The following NRCAM variants were observed in gnomAD, a reference collection of about 807,000 sequenced individuals.
NRCAM encodes neuronal cell adhesion molecule.
NRCAM carries 83 observed loss-of-function variants against 156.5 expected under a neutral mutation model. That is an observed-to-expected ratio of 0.53 (90% CI 0.44 to 0.64). The LOEUF is 0.64. NRCAM is among the 30% of genes least tolerant of loss of function. The probability of loss-of-function intolerance (pLI) is 0.00; values close to 1 mark genes in which losing one functional copy is unlikely to be tolerated. For synonymous variants in NRCAM, 538 were observed against 563.9 expected, an observed-to-expected ratio of 0.95 and a Z score of 0.65; for missense variants, 1,417 against 1,597.3, an observed-to-expected ratio of 0.89 and a Z score of 1.92.
chr7:108,201,692 C>A (rs969580855), intron 13 of NRCAM, among the ~76,000 whole-genome samples: 2 of 152,184 alleles, frequency 1.3e-5, no homozygotes, highest in African/African-American at 2.4e-5. Context: ...CAAACCATGT[C>A]AGAAAGCTTT....
At chr7:108,180,689 G>A (rs1316983994) in intron 24 of NRCAM, among the ~76,000 whole-genome samples, 1 of 152,180 alleles carries the variant, frequency 6.6e-6, no homozygotes, top group Non-Finnish European at 1.5e-5. Flanking sequence ...AAAACAGCAC[G>A]AGACCCATGT....
intron 1 of NRCAM, among the ~76,000 whole-genome samples, chr7:108,443,389 T>C (rs530290880): frequency 6.6e-6 from 1 of 152,300 alleles, no homozygotes; most frequent in Non-Finnish European, 1.5e-5. Context: ...ATATTCAAGT[T>C]GAATCAAAGC....
intron 3 of NRCAM, among the ~76,000 whole-genome samples, chr7:108,275,646 G>T (rs1409897945): frequency 6.6e-6 from 1 of 151,986 alleles, no homozygotes; most frequent in Non-Finnish European, 1.5e-5. Context: ...TAGTCTTGCA[G>T]GCGGTCTCTC....
intron 1 of NRCAM, among the ~76,000 whole-genome samples, chr7:108,438,142 A>G (rs1241159497): frequency 6.6e-6 from 1 of 152,092 alleles, no homozygotes; most frequent in Non-Finnish European, 1.5e-5. Context: ...AACTTTTTCA[A>G]AAAACAGAAG....
rs975053197 is a variant in NRCAM at position 108,197,940 on chromosome 7, T to TA, written c.1351+15dup. On this transcript the variant is annotated intron_variant, in intron 14 of 32. Coordinates refer to ENST00000379028, the MANE Select transcript of NRCAM (RefSeq NM_001037132.4). ...TTAATTTAATTTGCCATGTCTTTAATAAAATGAGAGCTTACCCAGCACATT... is the reference window on the plus strand; with the variant it reads ...TTAATTTAATTTGCCATGTCTTTAATAAAAATGAGAGCTTACCCAGCACATT... 17 of 1,539,726 alleles carry TA rather than the reference T, an allele frequency of 1.1e-5. No individual in the cohort carries two copies. The highest frequency in any genetic ancestry group is 1.4e-5 in the Non-Finnish European group (16 of 1,148,314).
intron 1 of NRCAM, among the ~76,000 whole-genome samples, chr7:108,449,454 G>GCT (rs1324927870): frequency 6.6e-6 from 1 of 152,136 alleles, no homozygotes; most frequent in East Asian, 1.9e-4. Context: ...TGTCCTTTCA[G>GCT]CTCTCTATTG....
intron 13 of NRCAM, among the ~76,000 whole-genome samples, chr7:108,201,792 T>C (rs1478225217): frequency 6.6e-6 from 1 of 152,246 alleles, no homozygotes; most frequent in African/African-American, 2.4e-5. Flanking sequence ...ATCTGCCTTA[T>C]ATATGCTAAA....
rs2039930360 is a variant in NRCAM, at chr7:108,148,762, A to C, written c.*1148T>G. 1 of 152,592 alleles carries C rather than the reference A, an allele frequency of 6.6e-6. No homozygotes were observed. Among genetic ancestry groups the C allele is most frequent in the African/African-American group, 2.4e-5 (1 of 41,444 alleles). The allele number at this position is 152,592 out of a possible 1,614,324, so 9.5% of individuals were successfully genotyped here. A position where few individuals can be genotyped will look rare whatever the true frequency, so the allele number is the denominator to read the frequency against. On this transcript the variant is annotated 3_prime_UTR_variant, in exon 33 of 33. Transcript: ENST00000379028. ...TATGCTTTTAGTGTTGGAATAACTT[A>C]GTTTTAAAATTAATTTTCTAGCATG... is the stretch of plus-strand genomic sequence containing the variant.
intron 3 of NRCAM, among the ~76,000 whole-genome samples, chr7:108,274,010 A>G (rs2097487322): frequency 6.6e-6 from 1 of 152,136 alleles, no homozygotes; most frequent in Non-Finnish European, 1.5e-5. Context: ...TCCTTTCCCC[A>G]TTGCTTGTTT....
chr7:108,387,884 A>G, intron 2 of NRCAM, among the ~76,000 whole-genome samples: 2 of 152,092 alleles, frequency 1.3e-5, no homozygotes, highest in Non-Finnish European at 2.9e-5. Flanking sequence ...CAAAGGACAT[A>G]AACTCATCCT....
At chr7:108,392,470 C>T (rs571849588) in intron 2 of NRCAM, among the ~76,000 whole-genome samples, 8 of 152,248 alleles carry the variant, frequency 5.3e-5, no homozygotes, top group South Asian at 2.1e-4. Flanking sequence ...GTTAGCCATT[C>T]GTCTAATCTT....
At chr7:108,433,157 A>T (rs932564162) in intron 1 of NRCAM, among the ~76,000 whole-genome samples, 5 of 152,006 alleles carry the variant, frequency 3.3e-5, no homozygotes, top group Admixed American at 3.3e-4. Context: ...TGTGTGTAGA[A>T]TCCCAGCTTG....
intron 2 of NRCAM, among the ~76,000 whole-genome samples, chr7:108,318,751 G>A (rs1022669648): frequency 2.6e-5 from 4 of 152,144 alleles, no homozygotes; most frequent in Non-Finnish European, 5.9e-5. Flanking sequence ...GTGAGCAGAC[G>A]TACTTCAGCG....
intron 1 of NRCAM, among the ~76,000 whole-genome samples, chr7:108,411,760 C>T (rs1287216860): frequency 1.3e-5 from 2 of 151,910 alleles, no homozygotes; most frequent in South Asian, 4.1e-4. Context: ...CTCGAACTCC[C>T]GACCTCGTGA....
intron 3 of NRCAM, among the ~76,000 whole-genome samples, chr7:108,256,020 C>A (rs1258041206): frequency 2.0e-5 from 3 of 147,840 alleles, no homozygotes; most frequent in Admixed American, 6.7e-5. Context: ...GCAGCCCCCG[C>A]CCGGCCAGCC....
At chr7:108,185,580 G>A (rs1213171937) in intron 20 of NRCAM, among the ~76,000 whole-genome samples, 2 of 152,022 alleles carry the variant, frequency 1.3e-5, no homozygotes, top group Admixed American at 6.6e-5. Context: ...TTAACTGGGT[G>A]TGGTGGCGTG....
At chr7:108,254,693 A>G (rs1046276375) in intron 3 of NRCAM, among the ~76,000 whole-genome samples, 7 of 152,070 alleles carry the variant, frequency 4.6e-5, no homozygotes, top group Admixed American at 3.3e-4. Context: ...GACCACAGGC[A>G]TATGTTCTAC....
intron 3 of NRCAM, among the ~76,000 whole-genome samples, chr7:108,278,761 C>T (rs559283821): frequency 5.3e-5 from 8 of 152,370 alleles, no homozygotes; most frequent in South Asian, 4.1e-4. Context: ...CCATGGGCTG[C>T]ACCCACTGTC....
intron 2 of NRCAM, among the ~76,000 whole-genome samples, chr7:108,348,175 T>G (rs113366249): frequency 3.3e-5 from 5 of 152,224 alleles, no homozygotes; most frequent in African/African-American, 1.2e-4. Context: ...GGGAATAAAT[T>G]TGAGAAAAAG....
Sources: allele counts gnomAD v4.1 joint callset (sites outside exome capture counted in the v4.1 genomes callset), GRCh38; gene constraint gnomAD v4.1.1; transcripts MANE v1.5; gene names NCBI Gene and HGNC (gene_info 2026-07-23, HGNC 2026-07-21).